Variants in PAQR5 observed in about 807,000 individuals in gnomAD.
PAQR5 encodes membrane progestin receptor gamma.
Under a neutral mutation model 34.5 loss-of-function variants are expected in PAQR5, and 20 were observed. The observed-to-expected ratio is 0.58, with a 90% CI of 0.41 to 0.84. PAQR5 has a LOEUF of 0.84. PAQR5 is among the 40% of genes least tolerant of loss of function. The pLI is 0.00. For synonymous variants in PAQR5, 131 were observed against 155.6 expected, an observed-to-expected ratio of 0.84 and a Z score of 1.18; for missense variants, 378 against 412.7, an observed-to-expected ratio of 0.92 and a Z score of 0.73.
At chr15:69,366,502 A>G (rs748666017) in intron 3 of PAQR5, among the ~76,000 whole-genome samples, 7 of 152,184 alleles carry the variant, frequency 4.6e-5, no homozygotes, top group Admixed American at 2.6e-4. Flanking sequence ...TGGTAACTCC[A>G]TGCTTCCAAG....
chr15:69,300,324 C>G lies in PAQR5; in HGVS notation c.-277+1268C>G, dbSNP rs986490722. ...TGCAGGGACCTGCTTTGTTCCCTGC[C>G]GTAGCAATAGTACCTGGCACACGGA... On this transcript the variant is annotated intron_variant, in intron 1 of 8. Coordinates refer to ENST00000395407, the MANE Select transcript of PAQR5 (RefSeq NM_017705.4). 3.9e-5 allele frequency among the ~76,000 whole-genome samples: 6 copies of G among 152,212 alleles called. No homozygotes were observed. The East Asian group carries it at 9.7e-4, about 25-fold the overall frequency.
chr15:69,366,681 T>C (rs1364606397), intron 3 of PAQR5, among the ~76,000 whole-genome samples: 1 of 152,218 alleles, frequency 6.6e-6, no homozygotes, highest in Non-Finnish European at 1.5e-5. Flanking sequence ...AGTCTCCAGT[T>C]GTTGGAGGAA....
chr15:69,365,675 T>C (rs963002933), intron 3 of PAQR5, among the ~76,000 whole-genome samples: 3 of 152,194 alleles, frequency 2.0e-5, no homozygotes, highest in African/African-American at 7.2e-5. Flanking sequence ...TGCCTGGACT[T>C]GGGATTCAGG....
At chr15:69,348,703 A>T (rs1222469967) in intron 2 of PAQR5, among the ~76,000 whole-genome samples, 1 of 149,138 alleles carries the variant, frequency 6.7e-6, no homozygotes, top group East Asian at 1.9e-4. Context: ...CCGATCTGAT[A>T]CTCAAGATGG....
intron 3 of PAQR5, among the ~76,000 whole-genome samples, chr15:69,361,248 T>A (rs1402789108): frequency 6.6e-6 from 1 of 152,240 alleles, no homozygotes; most frequent in Non-Finnish European, 1.5e-5. Flanking sequence ...TTCTTGAATT[T>A]ATTTACTCAT....
intron 1 of PAQR5, among the ~76,000 whole-genome samples, chr15:69,315,233 G>T (rs67297315): frequency 1.3e-5 from 2 of 151,980 alleles, no homozygotes; most frequent in African/African-American, 2.4e-5. Context: ...CTTCCACTCC[G>T]CCCCTTCTGC....
chr15:69,385,250 T>C lies in PAQR5; in HGVS notation c.385+368T>C, dbSNP rs867115909. On this transcript the variant is annotated intron_variant, in intron 5 of 8. Coordinates refer to ENST00000395407, the MANE Select transcript of PAQR5 (RefSeq NM_017705.4). The surrounding 1 kb of genome is among the most constrained non-coding windows in gnomAD (Gnocchi z 4.7). ...TTCCACCATGCAGATACAGTAGATG[T>C]AGTCATTGAGTACTCAGTACTTTTG... 2.1e-4 allele frequency among the ~76,000 whole-genome samples: 32 copies of C among 152,204 alleles called. No homozygotes were observed. Among genetic ancestry groups the C allele is most frequent in the African/African-American group, 7.5e-4 (31 of 41,444 alleles).
At chr15:69,360,400 C>T (rs549383608) in intron 3 of PAQR5, among the ~76,000 whole-genome samples, 1 of 152,286 alleles carries the variant, frequency 6.6e-6, no homozygotes, top group African/African-American at 2.4e-5. Context: ...TGAGATTCAA[C>T]CTGAAGAGAT....
rs146154864 is a variant in PAQR5, at chr15:69,360,101, C to T, written c.21C>T (p.Pro7=). 6.3e-5 allele frequency: 101 copies of T among 1,613,858 alleles called. No individual in the cohort carries two copies. The African/African-American group carries it at 9.9e-4, about 16-fold the overall frequency. Reference sequence around the variant, plus strand: ...CCAAGATGCTGAGCCTGAAGCTCCCCAGGCTGTTTAGCATAGACCAGATAC... The same window carrying T: ...CCAAGATGCTGAGCCTGAAGCTCCCTAGGCTGTTTAGCATAGACCAGATAC... The part of the protein sequence containing the change: MLSLKL[P]RLFSIDQIPQ... Residue 7 remains proline (P), a synonymous_variant, in exon 3 of 9, where the codon CCC becomes CCT. Coordinates refer to ENST00000395407, the MANE Select transcript of PAQR5 (RefSeq NM_017705.4).
intron 3 of PAQR5, among the ~76,000 whole-genome samples, chr15:69,369,020 C>T (rs150066710): frequency 4.5e-4 from 69 of 152,314 alleles, no homozygotes; most frequent in African/African-American, 1.7e-3. Flanking sequence ...AATCCACCCA[C>T]CACGGCCCCC....
chr15:69,377,710 G>T (rs1299861653), intron 3 of PAQR5, among the ~76,000 whole-genome samples: 1 of 138,214 alleles, frequency 7.2e-6, no homozygotes, highest in Non-Finnish European at 1.6e-5. Flanking sequence ...GGCTTCAGCT[G>T]CACTTAAACG....
chr15:69,302,560 C>T (rs916290270), intron 1 of PAQR5, among the ~76,000 whole-genome samples: 1 of 152,136 alleles, frequency 6.6e-6, no homozygotes, highest in Non-Finnish European at 1.5e-5. Context: ...CTGGCAGTGC[C>T]CTGAGGATGC....
At chr15:69,377,193 C>T (rs1188585031) in intron 3 of PAQR5, among the ~76,000 whole-genome samples, 1 of 152,208 alleles carries the variant, frequency 6.6e-6, no homozygotes, top group African/African-American at 2.4e-5. Flanking sequence ...AAAACAACAA[C>T]TTAAAAGGAA....
chr15:69,352,498 C>T (rs2054946837), intron 2 of PAQR5, among the ~76,000 whole-genome samples: 1 of 152,224 alleles, frequency 6.6e-6, no homozygotes. Flanking sequence ...TCCTGCTACT[C>T]TGCCTTCTCT....
Position 69,298,987 on chromosome 15 carries a change from T to A in PAQR5, c.-346T>A, listed in dbSNP as rs2140484978. On this transcript the variant is annotated 5_prime_UTR_variant, in exon 1 of 9. Transcript: ENST00000395407. ...GGGTCGCCGCAGCCCGGGAGGAGTGTCTGGTCTCCGGCCTGCCTGTGCTGT... is the reference window on the plus strand; with the variant it reads ...GGGTCGCCGCAGCCCGGGAGGAGTGACTGGTCTCCGGCCTGCCTGTGCTGT... 6.6e-6 allele frequency: 1 copy of A among 151,884 alleles called. No individual in the cohort carries two copies. The highest frequency in any genetic ancestry group is 1.5e-5 in the Non-Finnish European group (1 of 67,950). The allele number at this position is 151,884 out of a possible 1,614,324, so 9.4% of individuals were successfully genotyped here. A position where few individuals can be genotyped will look rare whatever the true frequency, so the allele number is the denominator to read the frequency against.
In PAQR5 at chr15:69,385,167, C is replaced by T. The variant is rs2056072267; in HGVS notation, c.385+285C>T. 6.6e-6 allele frequency among the ~76,000 whole-genome samples: 1 copy of T among 152,218 alleles called. No homozygotes were observed. Among genetic ancestry groups the T allele is most frequent in the African/African-American group, 2.4e-5 (1 of 41,454 alleles). On this transcript the variant is annotated intron_variant, in intron 5 of 8. Transcript: ENST00000395407. The surrounding 1 kb of genome is among the most constrained non-coding windows in gnomAD (Gnocchi z 4.7). ...ATCATGTCCAGCTTCAACCTACTAA[C>T]ATGACATCACAGAACACAAGGGTGG...
At chr15:69,328,157 A>G (rs12443375) in intron 1 of PAQR5, among the ~76,000 whole-genome samples, 2,778 of 152,290 alleles carry the variant, frequency 0.018, 96 homozygotes, top group East Asian at 0.15. Flanking sequence ...CAAAATGACA[A>G]CATTTGAAAG....
At chr15:69,397,341 CAGG>C in intron 6 of PAQR5, 124 bp from the exon 7 acceptor site, 1 of 748,664 alleles carries the variant, frequency 1.3e-6, no homozygotes, top group Non-Finnish European at 2.5e-6. Flanking sequence ...CTGCTGGCCA[CAGG>C]AGCTTGTAGA....
chr15:69,311,972 A>C (rs2053843697), intron 1 of PAQR5, among the ~76,000 whole-genome samples: 2 of 152,220 alleles, frequency 1.3e-5, no homozygotes, highest in Admixed American at 6.5e-5. Flanking sequence ...CAGAGCCATC[A>C]GAGCATGAGT....
Sources: gnomAD v4.1 joint callset for allele counts (sites outside exome capture counted in the v4.1 genomes callset) on GRCh38, gnomAD v4.1.1 for gene constraint, Gnocchi (gnomAD v3.1) non-coding constraint, MANE v1.5 for transcripts, NCBI Gene and HGNC (gene_info 2026-07-23, HGNC 2026-07-21) for gene names.